The following PDE4D variants were observed in gnomAD, a reference collection of about 807,000 sequenced individuals.
PDE4D encodes 3',5'-cyclic-AMP phosphodiesterase 4D.
A neutral mutation model predicts 87.4 loss-of-function variants in PDE4D; 24 were observed. The ratio of observed to expected loss-of-function variants is 0.27; its 90% CI spans 0.20 to 0.39. The LOEUF (loss-of-function observed/expected upper bound fraction) is 0.39. Ranked by LOEUF, PDE4D falls within the 10% of genes least tolerant of loss-of-function variation. The pLI, the probability that PDE4D is intolerant of heterozygous loss-of-function variation, is 1.00. For missense variants in PDE4D, 714 were observed against 1,041.0 expected, an observed-to-expected ratio of 0.69 and a Z score of 4.32; for synonymous variants, 384 against 383.2, an observed-to-expected ratio of 1.00 and a Z score of -0.02.
At chr5:59,276,546 A>T (rs1326186515) in intron 1 of PDE4D, among the ~76,000 whole-genome samples, 1 of 152,084 alleles carries the variant, frequency 6.6e-6, no homozygotes, top group East Asian at 1.9e-4. Flanking sequence ...GGTTGTAGAG[A>T]TGTAAATTAC....
At chr5:59,548,093 T>G (rs920381949) in intron 1 of PDE4D, among the ~76,000 whole-genome samples, 4 of 152,200 alleles carry the variant, frequency 2.6e-5, no homozygotes, top group Non-Finnish European at 2.9e-5. Flanking sequence ...TGAGAGGGCC[T>G]GCAGCAATCC....
At chr5:60,308,387 C>T (rs2149808273) in intron 1 of PDE4D, among the ~76,000 whole-genome samples, 1 of 152,086 alleles carries the variant, frequency 6.6e-6, no homozygotes, top group African/African-American at 2.4e-5. Flanking sequence ...TCTGAGGTAC[C>T]AAATAGCCAA....
chr5:60,165,542 AGG>A, intron 2 of PDE4D, among the ~76,000 whole-genome samples: 1 of 151,702 alleles, frequency 6.6e-6, no homozygotes, highest in South Asian at 2.1e-4. Flanking sequence ...ACTTCTATGC[AGG>A]ATGTCATTAA....
intron 1 of PDE4D, chr5:59,768,667 A>G: frequency 6.7e-7 from 1 of 1,488,720 alleles, no homozygotes; most frequent in Non-Finnish European, 8.9e-7. Context: ...GGCTGGGTGC[A>G]GAGGAGGCGA....
At chr5:59,095,890 T>C (rs1769612092) in intron 5 of PDE4D, among the ~76,000 whole-genome samples, 1 of 152,226 alleles carries the variant, frequency 6.6e-6, no homozygotes, top group African/African-American at 2.4e-5. Context: ...ATAGGCTATC[T>C]CAGGGATTCT....
At chr5:59,451,333 C>T (rs1799122274) in intron 1 of PDE4D, among the ~76,000 whole-genome samples, 1 of 152,282 alleles carries the variant, frequency 6.6e-6, no homozygotes, top group East Asian at 1.9e-4. Context: ...CCTAATCTTG[C>T]ACCCCCTTTA....
intron 1 of PDE4D, among the ~76,000 whole-genome samples, chr5:60,428,482 C>CTGA: frequency 6.6e-6 from 1 of 152,064 alleles, no homozygotes. Flanking sequence ...GGCTACTATA[C>CTGA]TGATGCCTGA....
At chr5:59,649,924 T>C (rs1743154880) in intron 1 of PDE4D, among the ~76,000 whole-genome samples, 1 of 134,066 alleles carries the variant, frequency 7.5e-6, no homozygotes, top group African/African-American at 2.7e-5. Flanking sequence ...TTTTTTTTTT[T>C]TTTTTTTTAG....
intron 1 of PDE4D, among the ~76,000 whole-genome samples, chr5:60,230,460 C>T (rs1249617935): frequency 1.3e-5 from 2 of 152,068 alleles, no homozygotes; most frequent in East Asian, 3.9e-4. Flanking sequence ...TTGCAAACCA[C>T]CCATATCCCG....
chr5:59,413,541 T>A (rs977721637), intron 1 of PDE4D, among the ~76,000 whole-genome samples: 10 of 151,604 alleles, frequency 6.6e-5, no homozygotes, highest in African/African-American at 2.4e-4. Context: ...CTATGCAGTG[T>A]CCTTCTTACA....
intron 11 of PDE4D, among the ~76,000 whole-genome samples, chr5:58,977,886 T>C (rs1744178674): frequency 6.6e-6 from 1 of 152,194 alleles, no homozygotes; most frequent in African/African-American, 2.4e-5. Context: ...TGTTTTCCAT[T>C]TTCTTTTCCA....
At chr5:60,284,262 T>G (rs1298886411) in intron 1 of PDE4D, among the ~76,000 whole-genome samples, 1 of 152,210 alleles carries the variant, frequency 6.6e-6, no homozygotes, top group Non-Finnish European at 1.5e-5. Context: ...AAAATTAATG[T>G]TAAAAATGCA....
intron 1 of PDE4D, among the ~76,000 whole-genome samples, chr5:59,372,649 C>A (rs71626154): frequency 6.6e-6 from 1 of 152,160 alleles, no homozygotes; most frequent in Non-Finnish European, 1.5e-5. Flanking sequence ...ACCCTACCCC[C>A]AGCCAACACC....
At chr5:59,587,304 A>T (rs1825302712) in intron 1 of PDE4D, 1 of 397,524 alleles carries the variant, frequency 2.5e-6, no homozygotes, top group Non-Finnish European at 3.4e-6. Flanking sequence ...ACGTTGTCTA[A>T]GAATTCTTCC....
At chr5:59,449,808 C>A (rs1314741874) in intron 1 of PDE4D, among the ~76,000 whole-genome samples, 1 of 152,112 alleles carries the variant, frequency 6.6e-6, no homozygotes, top group Non-Finnish European at 1.5e-5. Flanking sequence ...GGTCCACCCC[C>A]ATTCCCAATC....
At chr5:59,793,044 A>C (rs1254572400) in intron 1 of PDE4D, among the ~76,000 whole-genome samples, 1 of 152,224 alleles carries the variant, frequency 6.6e-6, no homozygotes, top group Non-Finnish European at 1.5e-5. Context: ...CAGTGGCAAG[A>C]CAGTCAAATG....
chr5:59,070,184 T>C (rs1045836876), intron 5 of PDE4D, among the ~76,000 whole-genome samples: 1 of 152,180 alleles, frequency 6.6e-6, no homozygotes, highest in Non-Finnish European at 1.5e-5. Flanking sequence ...AAAATAAAAC[T>C]TAGCAACTAT....
At chr5:60,345,969 T>C (rs1758716758) in intron 1 of PDE4D, among the ~76,000 whole-genome samples, 1 of 149,742 alleles carries the variant, frequency 6.7e-6, no homozygotes, top group African/African-American at 2.5e-5. Context: ...TTAACAAACC[T>C]GTTTTCTTTT....
intron 5 of PDE4D, among the ~76,000 whole-genome samples, chr5:59,175,826 C>T (rs1384344605): frequency 7.7e-6 from 1 of 130,554 alleles, no homozygotes; most frequent in Non-Finnish European, 1.6e-5. Context: ...GACAGGGTCT[C>T]ATTACATTGC....
Sources: gnomAD v4.1 joint callset for allele counts (sites outside exome capture counted in the v4.1 genomes callset) on GRCh38, gnomAD v4.1.1 for gene constraint, MANE v1.5 for transcripts, NCBI Gene and HGNC (gene_info 2026-07-23, HGNC 2026-07-21) for gene names.